Variants in GPC6 observed in about 807,000 individuals in gnomAD.
GPC6 encodes glypican 6.
Under a neutral mutation model 55.2 loss-of-function variants are expected in GPC6, and 14 were observed. The ratio of observed to expected loss-of-function variants is 0.25; its 90% CI spans 0.17 to 0.40. GPC6 has a LOEUF of 0.40. Ranked by LOEUF, GPC6 falls within the 10% of genes least tolerant of loss-of-function variation. The pLI is 1.00. For missense variants in GPC6, 641 were observed against 708.5 expected (o/e 0.90, Z 1.08); for synonymous variants, 278 against 259.6 (o/e 1.07, Z -0.68).
chr13:93,524,254 C>T (rs926772357), intron 1 of GPC6, among the ~76,000 whole-genome samples: 2 of 151,946 alleles, frequency 1.3e-5, no homozygotes, highest in East Asian at 1.9e-4. Context: ...CACCACTCAC[C>T]TCCTTAACCA....
At chr13:93,766,591 T>C (rs1261877553) in intron 2 of GPC6, among the ~76,000 whole-genome samples, 1 of 148,286 alleles carries the variant, frequency 6.7e-6, no homozygotes, top group Non-Finnish European at 1.5e-5. Flanking sequence ...ATAGATTTTA[T>C]ATTATGTCCA....
At chr13:93,818,056 TTA>T (rs578020170) in intron 2 of GPC6, among the ~76,000 whole-genome samples, 97 of 147,646 alleles carry the variant, frequency 6.6e-4, no homozygotes, top group Non-Finnish European at 1.0e-3. Flanking sequence ...ATATATAATT[TTA>T]TATGTTAATA....
At chr13:93,549,210 C>G (rs1468641204) in intron 2 of GPC6, among the ~76,000 whole-genome samples, 2 of 152,156 alleles carry the variant, frequency 1.3e-5, no homozygotes, top group Admixed American at 6.5e-5. Flanking sequence ...TCCTTCTCAC[C>G]TTCCTCTCCT....
At chr13:93,566,613 C>G (rs1272700924) in intron 2 of GPC6, among the ~76,000 whole-genome samples, 1 of 150,724 alleles carries the variant, frequency 6.6e-6, no homozygotes, top group Non-Finnish European at 1.5e-5. Flanking sequence ...ATGTGCAGAA[C>G]ATGCAGGTTT....
At chr13:93,353,380 C>A (rs912068479) in intron 1 of GPC6, among the ~76,000 whole-genome samples, 36 of 152,270 alleles carry the variant, frequency 2.4e-4, no homozygotes, top group African/African-American at 8.7e-4. Flanking sequence ...GAAAAGAACA[C>A]TAACAATGAG....
At position 93,227,342 on chromosome 13, in the gene GPC6, ACGCTGGGCAGCGGCGAGGAGCGCGC is replaced by A; in HGVS notation, c.-109_-85del. 1 of 1,016,632 alleles carries A rather than the reference ACGCTGGGCAGCGGCGAGGAGCGCGC, an allele frequency of 9.8e-7. No homozygotes were observed. The highest frequency in any genetic ancestry group is 2.4e-5 in the East Asian group (1 of 41,522). The allele number at this position is 1,016,632 out of a possible 1,614,324, so 63.0% of individuals were successfully genotyped here. ...TCCCCTCGGCTGGCAGAAGGGGGTG[ACGCTGGGCAGCGGCGAGGAGCGCGC>A]CGCTGCCTCTGGCGGGCTTTCGGCT... On this transcript the variant is annotated 5_prime_UTR_variant, in exon 1 of 9. Transcript: ENST00000377047. The surrounding 1 kb of genome is among the most constrained non-coding windows in gnomAD (Gnocchi z 4.3).
At chr13:93,745,997 C>T (rs187034629) in intron 2 of GPC6, among the ~76,000 whole-genome samples, 153 of 152,254 alleles carry the variant, frequency 1.0e-3, no homozygotes, top group African/African-American at 3.5e-3. Context: ...CCACTCTTTT[C>T]ATGAAGAAAA....
chr13:93,378,461 C>G (rs1053962775), intron 1 of GPC6, among the ~76,000 whole-genome samples: 1 of 152,182 alleles, frequency 6.6e-6, no homozygotes, highest in African/African-American at 2.4e-5. Context: ...TAACACAACT[C>G]TTAATTCCTC....
chr13:93,697,385 C>T (rs1241419195), intron 2 of GPC6, among the ~76,000 whole-genome samples: 1 of 152,128 alleles, frequency 6.6e-6, no homozygotes, highest in Admixed American at 6.6e-5. Context: ...AATAGCCATG[C>T]ACCCTCACTC....
At position 94,081,605 on chromosome 13, in the gene GPC6, C is replaced by A. The variant is rs150566932; in HGVS notation, c.877+53711C>A. ...TGGCACCTCATTGCAAGCAGGAGTT[C>A]TACAAAAGCACTCCATATGTAGGCA... On this transcript the variant is annotated intron_variant, in intron 4 of 8. Coordinates refer to ENST00000377047, the MANE Select transcript of GPC6 (RefSeq NM_005708.5). 8.5e-5 allele frequency among the ~76,000 whole-genome samples: 13 copies of A among 152,176 alleles called. 1 individual carries two copies. In the East Asian group the frequency reaches 1.9e-3, roughly 23 times the overall value.
intron 6 of GPC6, among the ~76,000 whole-genome samples, chr13:94,332,534 T>G (rs550778731): frequency 5.9e-5 from 9 of 152,346 alleles, no homozygotes; most frequent in African/African-American, 2.2e-4. Context: ...TGTTGCCAGT[T>G]TATTCTCTCT....
chr13:93,626,355 G>A (rs7995572), intron 2 of GPC6, among the ~76,000 whole-genome samples: 7 of 152,322 alleles, frequency 4.6e-5, no homozygotes, highest in African/African-American at 1.7e-4. Context: ...TGCACAAGGT[G>A]CACATCCATG....
rs556592017 is a variant in GPC6 at position 93,894,832 on chromosome 13, G to GT, written c.711+64295dup. Among the ~76,000 whole-genome samples, 522 of 151,696 alleles carry GT rather than the reference G, an allele frequency of 3.4e-3. 3 individuals are homozygous for GT. The highest frequency in any genetic ancestry group is 0.012 in the African/African-American group (484 of 41,386). On this transcript the variant is annotated intron_variant, in intron 3 of 8. Transcript: ENST00000377047. ...ATAAAAATTCAAATTGAGCCTCTGT[G>GT]TTTTTTTTAACAACTAGTATGTAAA...
chr13:93,307,987 C>T (rs1047400573), intron 1 of GPC6, among the ~76,000 whole-genome samples: 10 of 152,008 alleles, frequency 6.6e-5, no homozygotes, highest in Admixed American at 5.9e-4. Context: ...AAATGGTGGC[C>T]GGGCATGGTG....
intron 2 of GPC6, among the ~76,000 whole-genome samples, chr13:93,705,003 T>C (rs1264993406): frequency 6.6e-6 from 1 of 151,950 alleles, no homozygotes; most frequent in Non-Finnish European, 1.5e-5. Context: ...GCACTTAGAT[T>C]ACACCTGTAT....
chr13:93,368,612 T>C (rs1020094011), intron 1 of GPC6, among the ~76,000 whole-genome samples: 7 of 151,910 alleles, frequency 4.6e-5, no homozygotes, highest in African/African-American at 1.7e-4. Flanking sequence ...TTAGTTTCCC[T>C]CAAATCATTC....
At chr13:93,556,432 A>T (rs868467480) in intron 2 of GPC6, among the ~76,000 whole-genome samples, 14 of 141,908 alleles carry the variant, frequency 9.9e-5, no homozygotes, top group Non-Finnish European at 1.8e-4. Flanking sequence ...ATATATATAT[A>T]TTTTGGGGGT....
At chr13:94,392,415 A>ATTTTTT (rs59173357) in intron 7 of GPC6, among the ~76,000 whole-genome samples, 3 of 105,666 alleles carry the variant, frequency 2.8e-5, no homozygotes, top group Non-Finnish European at 3.8e-5. Flanking sequence ...TCTATTTTTA[A>ATTTTTT]TTTTTTTTTT....
rs1425898287 is a variant in GPC6, at chr13:94,353,833, T to C, written c.1153-28581T>C. Reference sequence around the variant, plus strand: ...CATTCTTGCTTCAATAATTAAGAAGTTGTGGAGAGAGAGCAATAACCAAGG... The same window carrying C: ...CATTCTTGCTTCAATAATTAAGAAGCTGTGGAGAGAGAGCAATAACCAAGG... On this transcript the variant is annotated intron_variant, in intron 6 of 8. Coordinates refer to ENST00000377047, the MANE Select transcript of GPC6 (RefSeq NM_005708.5). 3.3e-5 allele frequency among the ~76,000 whole-genome samples: 5 copies of C among 152,196 alleles called. No individual in the cohort carries two copies. The East Asian group carries it at 9.6e-4, about 29-fold the overall frequency.
Sources: allele counts gnomAD v4.1 joint callset (sites outside exome capture counted in the v4.1 genomes callset), GRCh38; gene constraint gnomAD v4.1.1; non-coding constraint Gnocchi (gnomAD v3.1); transcripts MANE v1.5; gene names NCBI Gene and HGNC (gene_info 2026-07-23, HGNC 2026-07-21).